The following CAGE1 variants were observed in gnomAD, a reference collection of about 807,000 sequenced individuals.
The protein encoded by CAGE1 is cancer antigen 1, also known as cancer-associated gene 1 protein.
CAGE1 carries 66 observed loss-of-function variants against 94.9 expected under a neutral mutation model. The observed-to-expected ratio is 0.70, with a 90% confidence interval of 0.57 to 0.85. The LOEUF is 0.85. Among genes scored for constraint, CAGE1 ranks in the 40% least tolerant of loss-of-function variants. The pLI is 0.00. For synonymous variants in CAGE1, 319 were observed against 321.0 expected (o/e 0.99, Z 0.07); for missense variants, 865 against 950.4 (o/e 0.91, Z 1.18).
intron 11 of CAGE1, chr6:7,341,492 A>T: frequency 8.3e-7 from 1 of 1,197,666 alleles, no homozygotes; most frequent in Non-Finnish European, 1.2e-6. Context: ...TTCCATCGCG[A>T]GTCTGAGGAG....
intron 9 of CAGE1, among the ~76,000 whole-genome samples, chr6:7,357,693 G>A (rs1361002849): frequency 3.3e-5 from 5 of 152,040 alleles, no homozygotes; most frequent in Admixed American, 1.3e-4. Flanking sequence ...TTCTGCTAAC[G>A]TACAAATTTT....
intron 11 of CAGE1, among the ~76,000 whole-genome samples, chr6:7,352,015 ACTGGAAGTC>A (rs1411401767): frequency 2.9e-4 from 40 of 136,884 alleles, no homozygotes; most frequent in Non-Finnish European, 4.7e-4. Context: ...TCAACATAGT[ACTGGAAGTC>A]CTAGCCAGAG....
chr6:7,328,926 A>ATTTTTTTTTTTTT (rs1324230400), intron 13 of CAGE1, among the ~76,000 whole-genome samples: 1 of 85,438 alleles, frequency 1.2e-5, no homozygotes. Context: ...GTGTATATAT[A>ATTTTTTTTTTTTT]TATATATATT....
chr6:7,329,286 A>G (rs1758657327), intron 13 of CAGE1: 2 of 382,888 alleles, frequency 5.2e-6, no homozygotes, highest in Non-Finnish European at 9.3e-6. Context: ...AAAGAAAAAA[A>G]AATCGCTTGC....
chr6:7,353,424 C>T (rs1284994910), intron 11 of CAGE1, among the ~76,000 whole-genome samples: 1 of 152,116 alleles, frequency 6.6e-6, no homozygotes, highest in Non-Finnish European at 1.5e-5. Context: ...TCAGGGAACA[C>T]TTCTACACTG....
intron 11 of CAGE1, among the ~76,000 whole-genome samples, chr6:7,342,663 T>C (rs993134567): frequency 1.3e-5 from 2 of 152,204 alleles, no homozygotes; most frequent in African/African-American, 4.8e-5. Flanking sequence ...TCAATGAATG[T>C]GTTAATCATT....
rs374783006 is a variant in CAGE1 at position 7,370,033 on chromosome 6, C to A, written c.1779G>T (p.Pro593=). 41 of 1,612,438 alleles carry A rather than the reference C, an allele frequency of 2.5e-5. No individual in the cohort carries two copies. Among genetic ancestry groups the A allele is most frequent in the Non-Finnish European group, 3.2e-5 (38 of 1,179,382 alleles). ...DTKTTHSNLL[P]DCSPCEERLN... ...GCCTCTCTTCACAAGGTGAGCAATCCGGGAGCAGATTAGAATGTGTCGTTT... is the reference window on the plus strand; with the variant it reads ...GCCTCTCTTCACAAGGTGAGCAATCAGGGAGCAGATTAGAATGTGTCGTTT... Residue 593 remains proline, a synonymous_variant, in exon 6 of 14, where the codon CCG becomes CCT. Coordinates refer to ENST00000502583, the MANE Select transcript of CAGE1 (RefSeq NM_001170692.2).
At chr6:7,334,366 C>CAGTATG (rs74284997) in intron 11 of CAGE1, among the ~76,000 whole-genome samples, 7 of 152,242 alleles carry the variant, frequency 4.6e-5, no homozygotes, top group Non-Finnish European at 7.4e-5. Flanking sequence ...TTTGCTTACA[C>CAGTATG]AGTGGTTTAC....
rs749117124 is a variant in CAGE1 at position 7,387,201 on chromosome 6, A to T, written c.-23-5T>A. 3.7e-5 allele frequency: 47 copies of T among 1,260,816 alleles called. No individual in the cohort carries two copies. The South Asian group carries it at 5.0e-4, about 13-fold the overall frequency. The allele number at this position is 1,260,816 out of a possible 1,614,324, so 78.1% of individuals were successfully genotyped here. ...CTGTTGAACAATAGAAGACTTCTTT[A>T]AAAAAAAAATGTGTCTATTAGTAGG... On this transcript the variant is annotated splice_region_variant and splice_polypyrimidine_tract_variant and intron_variant, in intron 1 of 13. Coordinates refer to ENST00000502583, the MANE Select transcript of CAGE1 (RefSeq NM_001170692.2).
At chr6:7,335,134 A>G (rs376252581) in intron 11 of CAGE1, among the ~76,000 whole-genome samples, 1 of 152,086 alleles carries the variant, frequency 6.6e-6, no homozygotes. Flanking sequence ...TTGACTCTTT[A>G]TCTTCTGTCA....
At chr6:7,384,451 T>G (rs1761045225) in intron 3 of CAGE1, among the ~76,000 whole-genome samples, 1 of 152,166 alleles carries the variant, frequency 6.6e-6, no homozygotes, top group African/African-American at 2.4e-5. Flanking sequence ...GTATACAGCA[T>G]TTAGATTTAC....
intron 1 of CAGE1, among the ~76,000 whole-genome samples, chr6:7,387,689 T>C (rs1451383587): frequency 1.3e-5 from 2 of 152,008 alleles, no homozygotes; most frequent in Admixed American, 1.3e-4. Flanking sequence ...CATGCATGGC[T>C]ATTCAGATAC....
At chr6:7,355,888 A>C (rs1759936994) in intron 10 of CAGE1, 137 bp downstream of exon 10, 1 of 570,914 alleles carries the variant, frequency 1.8e-6, no homozygotes, top group South Asian at 2.2e-5. Context: ...CTATAATCCC[A>C]GCTACTCATG....
intron 11 of CAGE1, among the ~76,000 whole-genome samples, chr6:7,342,518 T>C (rs944429417): frequency 1.1e-4 from 16 of 152,122 alleles, no homozygotes; most frequent in Admixed American, 6.5e-5. Context: ...ATACTCCGGG[T>C]ATCTGTAGTG....
At chr6:7,360,644 A>G (rs898690314) in intron 9 of CAGE1, among the ~76,000 whole-genome samples, 1 of 152,160 alleles carries the variant, frequency 6.6e-6, no homozygotes, top group African/African-American at 2.4e-5. Context: ...TTGTGTACAT[A>G]CAATACAATA....
intron 9 of CAGE1, among the ~76,000 whole-genome samples, chr6:7,363,707 A>G (rs1760233360): frequency 6.6e-6 from 1 of 152,114 alleles, no homozygotes; most frequent in Non-Finnish European, 1.5e-5. Context: ...CCTCTGCACC[A>G]TGTCAAGGGG....
chr6:7,338,841 A>G (rs1442115935), intron 11 of CAGE1: 3 of 1,170,452 alleles, frequency 2.6e-6, no homozygotes, highest in Non-Finnish European at 3.9e-6. Context: ...AGATCCTGTT[A>G]TGCTGTGGTG....
In CAGE1 at chr6:7,358,065, T is replaced by TATATATATAC. The variant is rs1257084432; in HGVS notation, c.2194-1937_2194-1936insGTATATATAT. Among the ~76,000 whole-genome samples, 275 of 114,056 alleles carry TATATATATAC rather than the reference T, an allele frequency of 2.4e-3. 8 individuals carry two copies. The highest frequency in any genetic ancestry group is 9.9e-3 in the African/African-American group (264 of 26,744). 74.8% of individuals were successfully genotyped at this position (114,056 alleles called of 152,430 possible). A position where few individuals can be genotyped will look rare whatever the true frequency, so the allele number is the denominator to read the frequency against. On this transcript the variant is annotated intron_variant, in intron 9 of 13. Coordinates refer to ENST00000502583, the MANE Select transcript of CAGE1 (RefSeq NM_001170692.2). The stretch of plus-strand genomic sequence containing the variant: ...ATATATATATATATATATATATATA[T>TATATATATAC]ATATATGCCTCCAAAACCATCACCA...
chr6:7,369,475 A>G (rs1431344681), intron 6 of CAGE1, among the ~76,000 whole-genome samples: 1 of 152,194 alleles, frequency 6.6e-6, no homozygotes, highest in Non-Finnish European at 1.5e-5. Context: ...CTCATCTGAC[A>G]GCAACTTCAC....
Sources: allele counts gnomAD v4.1 joint callset (sites outside exome capture counted in the v4.1 genomes callset), GRCh38; gene constraint gnomAD v4.1.1; transcripts MANE v1.5; gene names NCBI Gene and HGNC (gene_info 2026-07-23, HGNC 2026-07-21).